MGAT5: variants seen among roughly 807,000 people sequenced by gnomAD.
MGAT5 encodes alpha-1,6-mannosylglycoprotein 6-beta-N-acetylglucosaminyltransferase.
Under a neutral mutation model 94.3 loss-of-function variants are expected in MGAT5, and 30 were observed. The observed-to-expected ratio is 0.32, with a 90% CI of 0.24 to 0.43. The LOEUF (loss-of-function observed/expected upper bound fraction) is 0.43. MGAT5 is among the 20% of genes least tolerant of loss of function. The pLI, the probability that MGAT5 is intolerant of heterozygous loss-of-function variation, is 1.00. For missense variants in MGAT5, 691 were observed against 905.5 expected, an observed-to-expected ratio of 0.76 and a Z score of 3.04; for synonymous variants, 310 against 322.9, an observed-to-expected ratio of 0.96 and a Z score of 0.43.
intron 10 of MGAT5, among the ~76,000 whole-genome samples, chr2:134,396,358 A>G (rs926441493): frequency 6.6e-6 from 1 of 152,150 alleles, no homozygotes; most frequent in African/African-American, 2.4e-5. Flanking sequence ...CAATCTTGGA[A>G]TAAAATAATT....
At chr2:134,201,998 T>C (rs1020971569) in intron 1 of MGAT5, among the ~76,000 whole-genome samples, 5 of 152,034 alleles carry the variant, frequency 3.3e-5, no homozygotes, top group Admixed American at 3.3e-4. Flanking sequence ...TTGATACTAA[T>C]GAAGAGATGC....
chr2:134,173,553 G>A (rs1282846329), intron 1 of MGAT5, among the ~76,000 whole-genome samples: 1 of 152,240 alleles, frequency 6.6e-6, no homozygotes, highest in Admixed American at 6.5e-5. Context: ...GCAGGCAGAC[G>A]TGTTGGCGTC....
chr2:134,138,885 G>A (rs1199450377), intron 1 of MGAT5, among the ~76,000 whole-genome samples: 1 of 152,160 alleles, frequency 6.6e-6, no homozygotes, highest in African/African-American at 2.4e-5. Flanking sequence ...GGCATAAAAG[G>A]GGATATATGG....
chr2:134,364,500 C>A (rs1197624217), intron 10 of MGAT5, among the ~76,000 whole-genome samples: 2 of 148,924 alleles, frequency 1.3e-5, no homozygotes, highest in East Asian at 2.0e-4. Flanking sequence ...AACTCTGTCT[C>A]AAAAAAAAAA....
intron 14 of MGAT5, among the ~76,000 whole-genome samples, chr2:134,430,587 C>A (rs986840652): frequency 2.0e-5 from 3 of 152,112 alleles, no homozygotes; most frequent in African/African-American, 7.2e-5. Context: ...CCAGGAAGCT[C>A]ATCTTGGACT....
chr2:134,150,392 A>G (rs996624716), intron 1 of MGAT5, among the ~76,000 whole-genome samples: 1 of 152,080 alleles, frequency 6.6e-6, no homozygotes. Context: ...TCTGCTCCCT[A>G]TGCCCAGAAG....
At chr2:134,140,272 C>T (rs537059562) in intron 1 of MGAT5, among the ~76,000 whole-genome samples, 50 of 152,316 alleles carry the variant, frequency 3.3e-4, no homozygotes, top group Non-Finnish European at 5.0e-4. Flanking sequence ...GAGAAGGAGG[C>T]GGCCTGGGTG....
At chr2:134,206,380 T>C (rs1194619858) in intron 1 of MGAT5, among the ~76,000 whole-genome samples, 1 of 152,224 alleles carries the variant, frequency 6.6e-6, no homozygotes, top group Non-Finnish European at 1.5e-5. Context: ...GTGAGCTAGC[T>C]CTGTCCTCAT....
At chr2:134,330,651 A>G (rs1037900560) in intron 4 of MGAT5, among the ~76,000 whole-genome samples, 13 of 151,736 alleles carry the variant, frequency 8.6e-5, no homozygotes, top group African/African-American at 3.2e-4. Flanking sequence ...TTTAAAAATT[A>G]TTCTCTTAAT....
intron 1 of MGAT5, among the ~76,000 whole-genome samples, chr2:134,120,499 G>T (rs1202905569): frequency 6.6e-6 from 1 of 151,720 alleles, no homozygotes; most frequent in Admixed American, 6.5e-5. Flanking sequence ...GCAGGACGCC[G>T]GAGTGGAGCC....
chr2:134,281,849 C>T (rs1684718178), intron 2 of MGAT5, among the ~76,000 whole-genome samples: 1 of 152,178 alleles, frequency 6.6e-6, no homozygotes, highest in South Asian at 2.1e-4. Flanking sequence ...GTGAACAGTA[C>T]AAGTTATAGC....
intron 1 of MGAT5, among the ~76,000 whole-genome samples, chr2:134,193,180 T>G (rs1679315315): frequency 6.6e-6 from 1 of 151,762 alleles, no homozygotes; most frequent in Non-Finnish European, 1.5e-5. Context: ...TAGAGTACAG[T>G]GATGCAGTCA....
chr2:134,382,454 C>T (rs1681695778), intron 10 of MGAT5, among the ~76,000 whole-genome samples: 1 of 152,034 alleles, frequency 6.6e-6, no homozygotes, highest in South Asian at 2.1e-4. Flanking sequence ...TTTCAAATAT[C>T]GTGTGCCTGA....
At position 134,317,582 on chromosome 2, in the gene MGAT5, C is replaced by A; in HGVS notation, c.460C>A (p.Pro154Thr). The A allele has an allele frequency of 6.4e-7, 1 of 1,569,982 alleles. No homozygotes were observed. Among genetic ancestry groups the A allele is most frequent in the Non-Finnish European group, 8.6e-7 (1 of 1,160,012 alleles). ...TGTATTGCCTCCTATGGACGGCTACCCTCACTGTGAGGGAAAGATCAAGGT... is the reference window on the plus strand; with the variant it reads ...TGTATTGCCTCCTATGGACGGCTACACTCACTGTGAGGGAAAGATCAAGGT... ...KCVLPPMDGY[P>T]HCEGKIKWMK... Residue 154 changes from proline (P) to threonine (T), a missense_variant, in exon 3 of 16, where the codon CCT becomes ACT. Physicochemically the swap from Pro to Thr is conservative, Grantham distance 38. Coordinates refer to ENST00000281923, the MANE Select transcript of MGAT5 (RefSeq NM_002410.5).
intron 2 of MGAT5, among the ~76,000 whole-genome samples, chr2:134,295,007 G>T (rs569501091): frequency 1.8e-4 from 27 of 152,256 alleles, no homozygotes; most frequent in Admixed American, 1.5e-3. Context: ...TCCTTTGTTC[G>T]GTGTACTATC....
intron 4 of MGAT5, among the ~76,000 whole-genome samples, chr2:134,335,532 C>G (rs953952116): frequency 3.9e-5 from 6 of 152,036 alleles, no homozygotes; most frequent in Non-Finnish European, 5.9e-5. Context: ...CTTTCCTCCT[C>G]CCCTCAATTT....
chr2:134,180,851 G>A (rs1420495794), intron 1 of MGAT5, among the ~76,000 whole-genome samples: 1 of 152,116 alleles, frequency 6.6e-6, no homozygotes, highest in Non-Finnish European at 1.5e-5. Context: ...TTTATAGGGT[G>A]GAATAACCTT....
At chr2:134,269,583 T>C (rs1208028379) in intron 1 of MGAT5, among the ~76,000 whole-genome samples, 3 of 152,230 alleles carry the variant, frequency 2.0e-5, no homozygotes. Flanking sequence ...AAGCTTATCT[T>C]TTCTTTTTTC....
intron 15 of MGAT5, among the ~76,000 whole-genome samples, chr2:134,445,753 A>T (rs1174728970): frequency 1.3e-5 from 2 of 152,142 alleles, no homozygotes; most frequent in African/African-American, 4.8e-5. Context: ...GAGCAGGAGG[A>T]TGTGCTTGTT....
Sources: gnomAD v4.1 joint callset for allele counts (sites outside exome capture counted in the v4.1 genomes callset) on GRCh38, gnomAD v4.1.1 for gene constraint, MANE v1.5 for transcripts, NCBI Gene and HGNC (gene_info 2026-07-23, HGNC 2026-07-21) for gene names.